The following LRP4 variants were observed in gnomAD, a reference collection of about 807,000 sequenced individuals.
LRP4 encodes the protein low-density lipoprotein receptor-related protein 4.
In LRP4, 95 loss-of-function variants were observed where a neutral mutation model predicts 220.3. The observed-to-expected ratio is 0.43, with a 90% confidence interval of 0.37 to 0.51. LRP4 has a LOEUF of 0.51. Ranked by LOEUF, LRP4 falls within the 20% of genes least tolerant of loss-of-function variation. The pLI is 0.00. For synonymous variants in LRP4, 903 were observed against 954.6 expected (o/e 0.95, Z 1.00); for missense variants, 1,925 against 2,567.0 (o/e 0.75, Z 5.40).
At chr11:46,907,000 T>C (rs576395781) in intron 1 of LRP4, among the ~76,000 whole-genome samples, 2 of 152,332 alleles carry the variant, frequency 1.3e-5, no homozygotes, top group African/African-American at 4.8e-5. Context: ...GCAACTGCTG[T>C]CCCTCTGGGG....
intron 32 of LRP4, 48 bp downstream of exon 32, chr11:46,868,940 C>T: frequency 6.2e-7 from 1 of 1,613,574 alleles, no homozygotes; most frequent in Non-Finnish European, 8.5e-7. Flanking sequence ...GGTTGACCGA[C>T]CAATCCCACA....
At chr11:46,862,938 A>G (rs1331594284) in intron 36 of LRP4, 191 bp from the exon 37 acceptor site, 1 of 620,568 alleles carries the variant, frequency 1.6e-6, no homozygotes, top group East Asian at 2.8e-5. Flanking sequence ...TAATGAAAAG[A>G]TTATGCAAAT....
At chr11:46,897,079 G>T in intron 7 of LRP4, 85 bp from the exon 8 acceptor site, 2 of 1,561,308 alleles carry the variant, frequency 1.3e-6, no homozygotes, top group Non-Finnish European at 1.8e-6. Context: ...GCTTATATCA[G>T]TACCCATGCC....
At chr11:46,867,152 A>G (rs1940724932) in intron 34 of LRP4, among the ~76,000 whole-genome samples, 1 of 152,142 alleles carries the variant, frequency 6.6e-6, no homozygotes. Flanking sequence ...TAATGAAATA[A>G]GATACTTTAT....
intron 34 of LRP4, among the ~76,000 whole-genome samples, 160 bp downstream of exon 34, chr11:46,867,819 A>G (rs1240231665): frequency 1.3e-5 from 2 of 152,240 alleles, no homozygotes; most frequent in African/African-American, 2.4e-5. Context: ...ACTTGTAACA[A>G]TCTACAAGTC....
chr11:46,876,122 A>G (rs111265634), intron 25 of LRP4, among the ~76,000 whole-genome samples, 156 bp from the exon 26 acceptor site: 85 of 152,322 alleles, frequency 5.6e-4, no homozygotes, highest in African/African-American at 1.9e-3. Context: ...CTTCATGTGC[A>G]TTATCTCAAC....
chr11:46,891,460 CACACAG>C (rs765306464), intron 13 of LRP4, among the ~76,000 whole-genome samples: 9 of 111,922 alleles, frequency 8.0e-5, no homozygotes, highest in Non-Finnish European at 1.0e-4. Context: ...CACACACACA[CACACAG>C]ACACACACAC....
chr11:46,869,445 T>A (rs1447558493), intron 31 of LRP4, among the ~76,000 whole-genome samples: 1 of 152,208 alleles, frequency 6.6e-6, no homozygotes, highest in African/African-American at 2.4e-5. Context: ...AAGAATGTGT[T>A]CTATTCATCT....
Position 46,886,553 on chromosome 11 carries a change from G to A in LRP4, c.2216-20C>T, listed in dbSNP as rs17848221. On this transcript the variant is annotated intron_variant, in intron 16 of 37. Transcript: ENST00000378623. ...CAAGACCTGATCAAAGGCCGAAAGG[G>A]GTCTTCTTTTAATGCTCTAAATCCA... is the stretch of plus-strand genomic sequence containing the variant. 11 of 1,605,194 alleles carry A rather than the reference G, an allele frequency of 6.9e-6. No homozygotes were observed. In the East Asian group the frequency reaches 2.5e-4, roughly 36 times the overall value.
rs760856907 is a variant in LRP4 at position 46,899,023 on chromosome 11, A to C, written c.557T>G (p.Val186Gly). 3 of 1,612,718 alleles carry C rather than the reference A, an allele frequency of 1.9e-6. No individual in the cohort carries two copies. Among genetic ancestry groups the C allele is most frequent in the Non-Finnish European group, 2.5e-6 (3 of 1,179,386 alleles). The change falls in exon 6 of 38, where the codon GTG becomes GGG. Residue 186 changes from valine to glycine, a missense_variant. Physicochemically the swap from Val to Gly is moderately radical, Grantham distance 109. Coordinates refer to ENST00000378623, the MANE Select transcript of LRP4 (RefSeq NM_002334.4). This position sits in a 1 kb window ranked among gnomAD's most constrained non-coding sequence, Gnocchi z 5.9. ...GSDEENCPSA[V>G]PAPPCNLEEF... ...CTCCAGGTTGCAGGGGGGCGCTGGC[A>C]CTGCTGAGGCTGGAGGGAAGGCAGG... is the stretch of plus-strand genomic sequence containing the variant.
chr11:46,886,077 T>C lies in LRP4; in HGVS notation c.2506+14A>G. ...CCCAGGGAGCCAGGCAGGCCACGGC[T>C]CCCCTATGCATACCTGCATCTGTCC... On this transcript the variant is annotated intron_variant, in intron 18 of 37. Coordinates refer to ENST00000378623, the MANE Select transcript of LRP4 (RefSeq NM_002334.4). 1.2e-6 allele frequency: 2 copies of C among 1,612,120 alleles called. No individual in the cohort carries two copies. The highest frequency in any genetic ancestry group is 1.7e-6 in the Non-Finnish European group (2 of 1,178,584).
chr11:46,893,219 T>A, intron 12 of LRP4, 90 bp from the exon 13 acceptor site: 2 of 1,431,982 alleles, frequency 1.4e-6, no homozygotes, highest in East Asian at 2.3e-5. Context: ...CAGGAAGCAA[T>A]TTTTTGGGCC....
chr11:46,909,434 G>A (rs1005741853), intron 1 of LRP4, among the ~76,000 whole-genome samples: 1 of 50,296 alleles, frequency 2.0e-5, no homozygotes, highest in African/African-American at 7.8e-5. Flanking sequence ...GTGAAACCCC[G>A]TCTCTACTAA....
At chr11:46,894,918 C>T (rs1348137231) in intron 11 of LRP4, 99 bp from the exon 12 acceptor site, 22 of 1,128,364 alleles carry the variant, frequency 1.9e-5, no homozygotes, top group Non-Finnish European at 2.9e-5. Context: ...CACTTGCTCA[C>T]AAGGACATGC....
chr11:46,879,702 A>C (rs965753194), intron 20 of LRP4, among the ~76,000 whole-genome samples: 3 of 152,228 alleles, frequency 2.0e-5, no homozygotes, highest in Admixed American at 2.0e-4. Flanking sequence ...TACTGATGAG[A>C]CACACTGAGA....
intron 8 of LRP4, 48 bp from the exon 9 acceptor site, chr11:46,896,383 C>CA (rs1194061970): frequency 1.0e-5 from 16 of 1,606,160 alleles, no homozygotes; most frequent in Non-Finnish European, 1.3e-5. Context: ...CTTGGGCCAA[C>CA]AAAGAGATGG....
intron 19 of LRP4, among the ~76,000 whole-genome samples, 167 bp from the exon 20 acceptor site, chr11:46,882,070 T>C (rs746928141): frequency 1.3e-5 from 2 of 152,146 alleles, no homozygotes; most frequent in Non-Finnish European, 2.9e-5. Context: ...TCTGAATGCC[T>C]TGTCTTCTAT....
chr11:46,878,836 T>A (rs898244569), intron 22 of LRP4, 71 bp downstream of exon 22: 4 of 1,605,636 alleles, frequency 2.5e-6, no homozygotes, highest in Non-Finnish European at 3.4e-6. Context: ...GGAGCCCATC[T>A]GCAAGGAAGG....
At chr11:46,877,446 T>G in intron 22 of LRP4, 107 bp from the exon 23 acceptor site, 1 of 1,188,346 alleles carries the variant, frequency 8.4e-7, no homozygotes, top group Non-Finnish European at 1.2e-6. Context: ...TTTCTAGCTA[T>G]GTTATTCTAG....
Sources: gnomAD v4.1 joint callset for allele counts (sites outside exome capture counted in the v4.1 genomes callset) on GRCh38, gnomAD v4.1.1 for gene constraint, Gnocchi (gnomAD v3.1) non-coding constraint, MANE v1.5 for transcripts, NCBI Gene and HGNC (gene_info 2026-07-23, HGNC 2026-07-21) for gene names.